PDE8A: variants seen among roughly 807,000 people sequenced by gnomAD.
PDE8A encodes phosphodiesterase 8A, also known as high affinity cAMP-specific and IBMX-insensitive 3',5'-cyclic phosphodiesterase 8A.
In PDE8A, 59 loss-of-function variants were observed where a neutral mutation model predicts 105.0. The ratio of observed to expected loss-of-function variants is 0.56; its 90% CI spans 0.46 to 0.70. The LOEUF is 0.70. Ranked by LOEUF, PDE8A falls within the 30% of genes least tolerant of loss-of-function variation. The pLI is 0.00. For missense variants in PDE8A, 1,014 were observed against 1,045.9 expected (o/e 0.97, Z 0.42); for synonymous variants, 355 against 371.9 (o/e 0.95, Z 0.52).
intron 20 of PDE8A, among the ~76,000 whole-genome samples, chr15:85,128,280 G>A (rs1172922690): frequency 1.3e-5 from 2 of 152,160 alleles, no homozygotes; most frequent in Non-Finnish European, 2.9e-5. Flanking sequence ...CAAGGTGGGA[G>A]GATTACTTGA....
intron 1 of PDE8A, among the ~76,000 whole-genome samples, chr15:85,038,311 T>A (rs2080743937): frequency 6.6e-6 from 1 of 152,078 alleles, no homozygotes; most frequent in Non-Finnish European, 1.5e-5. Context: ...TTGTCAGTTT[T>A]ACGTTTTGCA....
rs545945886 is a variant in PDE8A, at chr15:85,090,228, T to C, written c.714+812T>C. Among the ~76,000 whole-genome samples, 62 of 152,352 alleles carry C rather than the reference T, an allele frequency of 4.1e-4. 2 individuals carry two copies. Among genetic ancestry groups the C allele is most frequent in the African/African-American group, 1.4e-3 (58 of 41,576 alleles). On this transcript the variant is annotated intron_variant, in intron 7 of 21. Transcript: ENST00000394553. Reference sequence around the variant, plus strand: ...GAACAACTTTGGGCAAGTTGTTTAATCCAGCTGAATCTGCTTTCTCATCTG... The same window carrying C: ...GAACAACTTTGGGCAAGTTGTTTAACCCAGCTGAATCTGCTTTCTCATCTG...
Position 85,119,470 on chromosome 15 carries a change from A to AAAAAAAAAAAAAAAAAAAAAC in PDE8A, c.1735-1316_1735-1315insAAAAAAAAACAAAAAAAAAAA, listed in dbSNP as rs2082146727. On this transcript the variant is annotated intron_variant, in intron 17 of 21. Coordinates refer to ENST00000394553, the MANE Select transcript of PDE8A (RefSeq NM_002605.3). Reference sequence around the variant, plus strand: ...GTGACAGAGCAAGACTCTCGTCTCAAAAAAAAAAAAACATTTATTGAAATG... The same window carrying AAAAAAAAAAAAAAAAAAAAAC: ...GTGACAGAGCAAGACTCTCGTCTCAAAAAAAAAAAAAAAAAAAAAACAAAAAAAAAAACATTTATTGAAATG... 1.3e-5 allele frequency among the ~76,000 whole-genome samples: 2 copies of AAAAAAAAAAAAAAAAAAAAAC among 149,378 alleles called. 1 individual carries two copies. Among genetic ancestry groups the AAAAAAAAAAAAAAAAAAAAAC allele is most frequent in the East Asian group, 3.9e-4 (2 of 5,140 alleles).
chr15:85,122,982 A>G (rs1280536713), intron 18 of PDE8A, 79 bp from the exon 19 acceptor site: 12 of 1,436,634 alleles, frequency 8.4e-6, no homozygotes, highest in Non-Finnish European at 1.2e-5. Context: ...ACATACCTGG[A>G]TAACAGATTG....
intron 1 of PDE8A, among the ~76,000 whole-genome samples, chr15:85,014,302 A>G (rs1169011256): frequency 6.6e-6 from 1 of 152,148 alleles, no homozygotes; most frequent in Non-Finnish European, 1.5e-5. Flanking sequence ...GCGGGCCACT[A>G]GTCCTGGCCA....
intron 12 of PDE8A, among the ~76,000 whole-genome samples, chr15:85,112,013 A>G (rs1471999903): frequency 6.6e-6 from 1 of 152,080 alleles, no homozygotes; most frequent in East Asian, 1.9e-4. Flanking sequence ...TGATTTTTGT[A>G]TATTGACTTT....
chr15:85,051,124 A>G (rs565167535), intron 1 of PDE8A, among the ~76,000 whole-genome samples: 3 of 152,270 alleles, frequency 2.0e-5, no homozygotes, highest in Admixed American at 2.0e-4. Flanking sequence ...TTGTTAGTGT[A>G]TAGAAATGCA....
At chr15:85,051,356 G>C (rs2080969430) in intron 1 of PDE8A, among the ~76,000 whole-genome samples, 1 of 152,082 alleles carries the variant, frequency 6.6e-6, no homozygotes, top group Non-Finnish European at 1.5e-5. Context: ...AGAAGAAGTA[G>C]GCATCCTTGC....
At chr15:85,054,104 A>G (rs1050175872) in intron 1 of PDE8A, among the ~76,000 whole-genome samples, 1 of 149,886 alleles carries the variant, frequency 6.7e-6, no homozygotes, top group African/African-American at 2.4e-5. Flanking sequence ...GGTTCTGTTT[A>G]TATGCTGGAT....
At chr15:85,059,006 G>A (rs1249996874) in intron 1 of PDE8A, among the ~76,000 whole-genome samples, 1 of 152,012 alleles carries the variant, frequency 6.6e-6, no homozygotes, top group Non-Finnish European at 1.5e-5. Context: ...TTATTTTCTA[G>A]TGTATTTATA....
At chr15:85,012,544 G>C (rs1364893637) in intron 1 of PDE8A, among the ~76,000 whole-genome samples, 5 of 128,182 alleles carry the variant, frequency 3.9e-5, no homozygotes, top group Non-Finnish European at 8.0e-5. Context: ...TCTGGGGGCT[G>C]TTGTGGGTTG....
intron 1 of PDE8A, among the ~76,000 whole-genome samples, chr15:85,029,209 A>G (rs549336440): frequency 6.6e-5 from 10 of 152,188 alleles, no homozygotes; most frequent in Admixed American, 2.0e-4. Flanking sequence ...TGTTTTGTCA[A>G]TATTCTTATG....
intron 6 of PDE8A, among the ~76,000 whole-genome samples, chr15:85,084,794 C>G (rs928186175): frequency 3.3e-5 from 5 of 152,144 alleles, no homozygotes; most frequent in Non-Finnish European, 5.9e-5. Flanking sequence ...TGACTGTAAC[C>G]TCAAACCTTT....
intron 1 of PDE8A, among the ~76,000 whole-genome samples, chr15:85,011,062 C>T (rs1446981261): frequency 2.0e-5 from 3 of 152,150 alleles, no homozygotes; most frequent in Non-Finnish European, 4.4e-5. Context: ...CTGTCCTCCC[C>T]ATTCCCTCCT....
In PDE8A at chr15:85,021,219, C is replaced by T. The variant is rs374533911; in HGVS notation, c.186+38871C>T. On this transcript the variant is annotated intron_variant, in intron 1 of 21. Transcript: ENST00000394553. Reference sequence around the variant, plus strand: ...ACACTGATCTTGGACCTCCCACCCTCCAGAACTGTGAGAAATAAATTTCTG... The same window carrying T: ...ACACTGATCTTGGACCTCCCACCCTTCAGAACTGTGAGAAATAAATTTCTG... 2.6e-5 allele frequency among the ~76,000 whole-genome samples: 4 copies of T among 152,174 alleles called. No individual in the cohort carries two copies. In the East Asian group the frequency reaches 7.7e-4, roughly 29 times the overall value.
chr15:84,982,152 C>A lies in PDE8A; in HGVS notation c.-11C>A. 1 of 1,338,900 alleles carries A rather than the reference C, an allele frequency of 7.5e-7. No individual in the cohort carries two copies. Among genetic ancestry groups the A allele is most frequent in the South Asian group, 1.9e-5 (1 of 52,106 alleles). The allele number at this position is 1,338,900 out of a possible 1,614,324, so 82.9% of individuals were successfully genotyped here. A position where few individuals can be genotyped will look rare whatever the true frequency, so the allele number is the denominator to read the frequency against. On this transcript the variant is annotated 5_prime_UTR_variant, in exon 1 of 22. Transcript: ENST00000394553. ...GCTACCCGCCAGCGTGTCCGCGGCG[C>A]CGCCGCCAGCATGGGCTGTGCCCCG...
Position 84,982,302 on chromosome 15 carries a change from G to A in PDE8A, c.140G>A (p.Gly47Asp), listed in dbSNP as rs1273183721. Reference protein sequence around the residue: ...QKTAALPRTRGAGLLESELRD... With the variant: ...QKTAALPRTRDAGLLESELRD... The stretch of plus-strand genomic sequence containing the variant: ...ACGGCCGCCTTGCCCCGGACCCGCG[G>A]CGCCGGCCTCTTGGAGTCGGAGCTT... The change falls in exon 1 of 22, where the codon GGC becomes GAC. Residue 47 changes from glycine to aspartate, a missense_variant. Coordinates refer to ENST00000394553, the MANE Select transcript of PDE8A (RefSeq NM_002605.3). The A allele has an allele frequency of 2.9e-6, 4 of 1,369,960 alleles. No homozygotes were observed. In the African/African-American group the frequency reaches 4.6e-5, roughly 16 times the overall value. 84.9% of individuals were successfully genotyped at this position (1,369,960 alleles called of 1,614,324 possible).
Position 85,076,803 on chromosome 15 carries a change from T to A in PDE8A, c.546+16T>A, listed in dbSNP as rs1164965163. 5 of 1,427,524 alleles carry A rather than the reference T, an allele frequency of 3.5e-6. No individual in the cohort carries two copies. Among genetic ancestry groups the A allele is most frequent in the Non-Finnish European group, 5.0e-6 (5 of 1,009,740 alleles). 88.4% of individuals were successfully genotyped at this position (1,427,524 alleles called of 1,614,324 possible). A position where few individuals can be genotyped will look rare whatever the true frequency, so the allele number is the denominator to read the frequency against. On this transcript the variant is annotated intron_variant, in intron 5 of 21. Transcript: ENST00000394553. ...ATTTACAAGGGTATGTACTCACTTA[T>A]TTGTTATACAAGTATAATTCAATTT...
intron 12 of PDE8A, among the ~76,000 whole-genome samples, chr15:85,109,789 A>G (rs916967440): frequency 2.0e-5 from 3 of 152,160 alleles, no homozygotes; most frequent in African/African-American, 7.2e-5. Flanking sequence ...ATCAAATGCT[A>G]CCCTCTCATC....
Sources: allele counts gnomAD v4.1 joint callset (sites outside exome capture counted in the v4.1 genomes callset), GRCh38; gene constraint gnomAD v4.1.1; transcripts MANE v1.5; gene names NCBI Gene and HGNC (gene_info 2026-07-23, HGNC 2026-07-21).